OXCT1: variants seen among roughly 807,000 people sequenced by gnomAD.
The protein encoded by OXCT1 is succinyl-CoA:3-ketoacid coenzyme A transferase 1, mitochondrial.
A neutral mutation model predicts 69.6 loss-of-function variants in OXCT1; 27 were observed. The observed-to-expected ratio is 0.39, with a 90% CI of 0.29 to 0.54. The LOEUF (loss-of-function observed/expected upper bound fraction) is 0.54, where lower values mean the gene tolerates loss of function less well. OXCT1 is among the 20% of genes least tolerant of loss of function. The pLI is 0.72. For synonymous variants in OXCT1, 202 were observed against 217.8 expected (o/e 0.93, Z 0.64); for missense variants, 437 against 650.2 (o/e 0.67, Z 3.57).
chr5:41,777,830 T>C (rs1227888601), intron 13 of OXCT1, among the ~76,000 whole-genome samples: 2 of 152,240 alleles, frequency 1.3e-5, no homozygotes, highest in African/African-American at 2.4e-5. Flanking sequence ...AGAAGTTACA[T>C]TCAGGATGGA....
At chr5:41,818,314 G>T (rs1274747088) in intron 7 of OXCT1, among the ~76,000 whole-genome samples, 4 of 152,154 alleles carry the variant, frequency 2.6e-5, no homozygotes, top group Non-Finnish European at 5.9e-5. Flanking sequence ...GGAATGTCAA[G>T]GGCAAAGGGT....
intron 11 of OXCT1, among the ~76,000 whole-genome samples, chr5:41,796,019 C>T (rs2112236284): frequency 6.6e-6 from 1 of 152,144 alleles, no homozygotes; most frequent in East Asian, 1.9e-4. Context: ...ACTCTCTTGC[C>T]CCATAAGCTT....
At chr5:41,822,895 C>T (rs1396465603) in intron 7 of OXCT1, among the ~76,000 whole-genome samples, 1 of 152,186 alleles carries the variant, frequency 6.6e-6, no homozygotes, top group Non-Finnish European at 1.5e-5. Flanking sequence ...TTTTAATCCA[C>T]TGTGAGTCTT....
intron 15 of OXCT1, chr5:41,739,819 C>T (rs531506515): frequency 5.6e-5 from 18 of 319,432 alleles, no homozygotes; most frequent in African/African-American, 3.1e-4. Context: ...TGCAGTGAGC[C>T]GAGATCACGC....
intron 1 of OXCT1, among the ~76,000 whole-genome samples, chr5:41,869,498 C>T (rs1307501947): frequency 6.6e-6 from 1 of 152,178 alleles, no homozygotes; most frequent in Non-Finnish European, 1.5e-5. Context: ...GGAATGCCTC[C>T]GGATACCACT....
chr5:41,808,427 T>A (rs1045753634), intron 7 of OXCT1, among the ~76,000 whole-genome samples: 3 of 152,102 alleles, frequency 2.0e-5, no homozygotes, highest in African/African-American at 4.8e-5. Flanking sequence ...CTTCTTATGC[T>A]GTTCTACTAC....
intron 15 of OXCT1, among the ~76,000 whole-genome samples, chr5:41,745,905 T>A (rs1743461415): frequency 6.6e-6 from 1 of 152,098 alleles, no homozygotes; most frequent in Non-Finnish European, 1.5e-5. Flanking sequence ...GAGGCAATAA[T>A]TAATGGCTTA....
At chr5:41,843,585 T>G (rs929288383) in intron 5 of OXCT1, 4 of 456,196 alleles carry the variant, frequency 8.8e-6, no homozygotes, top group Non-Finnish European at 1.8e-5. Context: ...CATCATGTTC[T>G]TTTATTCTTG....
intron 4 of OXCT1, among the ~76,000 whole-genome samples, chr5:41,851,693 C>T (rs1409233834): frequency 6.6e-6 from 1 of 151,690 alleles, no homozygotes; most frequent in Non-Finnish European, 1.5e-5. Flanking sequence ...ACACTGACCT[C>T]TCTTAGCCTG....
At chr5:41,856,620 G>GT (rs1749441939) in intron 3 of OXCT1, among the ~76,000 whole-genome samples, 1 of 152,048 alleles carries the variant, frequency 6.6e-6, no homozygotes, top group Non-Finnish European at 1.5e-5. Context: ...TAGGTAACAG[G>GT]TAACTGTCAA....
chr5:41,781,154 C>T (rs1301408657), intron 13 of OXCT1, among the ~76,000 whole-genome samples: 1 of 152,028 alleles, frequency 6.6e-6, no homozygotes, highest in African/African-American at 2.4e-5. Context: ...CTGCCCATCT[C>T]GGCCTCCCAA....
chr5:41,750,135 G>GTT (rs11291155), intron 14 of OXCT1, among the ~76,000 whole-genome samples: 1,388 of 73,786 alleles, frequency 0.019, 25 homozygotes, highest in African/African-American at 0.047. Flanking sequence ...GTGTTTTTTG[G>GTT]TTTTTTTTTT....
At chr5:41,742,436 A>T (rs1273498159) in intron 15 of OXCT1, among the ~76,000 whole-genome samples, 1 of 152,228 alleles carries the variant, frequency 6.6e-6, no homozygotes, top group African/African-American at 2.4e-5. Flanking sequence ...GGTAACAGTG[A>T]ATCACAGCCC....
intron 16 of OXCT1, among the ~76,000 whole-genome samples, chr5:41,733,918 A>G (rs1300838658): frequency 6.6e-6 from 1 of 152,232 alleles, no homozygotes; most frequent in African/African-American, 2.4e-5. Context: ...ATAGAAGACA[A>G]GCCAATGATT....
chr5:41,860,924 T>C (rs1228921320), intron 3 of OXCT1, among the ~76,000 whole-genome samples: 1 of 152,096 alleles, frequency 6.6e-6, no homozygotes, highest in African/African-American at 2.4e-5. Context: ...AGATTTCAAA[T>C]TGATGCCCAC....
At chr5:41,754,804 T>C (rs1743979182) in intron 14 of OXCT1, among the ~76,000 whole-genome samples, 2 of 151,998 alleles carry the variant, frequency 1.3e-5, no homozygotes, top group South Asian at 4.1e-4. Flanking sequence ...GTGGAGGTAA[T>C]ATATGGAGGT....
chr5:41,860,847 G>C lies in OXCT1; in HGVS notation c.278+467C>G, dbSNP rs116732160. ...ACCTTCCAAGACCAGCCATGTTTTT[G>C]TGATTAATGGTATCCCTTTATTTAT... On this transcript the variant is annotated intron_variant, in intron 3 of 16. Coordinates refer to ENST00000196371, the MANE Select transcript of OXCT1 (RefSeq NM_000436.4). Among the ~76,000 whole-genome samples, 976 of 151,992 alleles carry C rather than the reference G, an allele frequency of 6.4e-3. 8 individuals carry two copies. Among genetic ancestry groups the C allele is most frequent in the Middle Eastern group, 0.027 (8 of 294 alleles).
intron 4 of OXCT1, 77 bp downstream of exon 4, chr5:41,853,342 C>A (rs1749272413): frequency 7.2e-7 from 1 of 1,383,380 alleles, no homozygotes; most frequent in African/African-American, 1.4e-5. Context: ...ACCTCTTTTG[C>A]ACAAAGAAAT....
intron 15 of OXCT1, among the ~76,000 whole-genome samples, chr5:41,743,814 G>A (rs1277417313): frequency 2.0e-5 from 3 of 152,072 alleles, no homozygotes; most frequent in African/African-American, 7.2e-5. Context: ...ATTTCTGAGG[G>A]CTCTGTTCTG....
Sources: gnomAD v4.1 joint callset for allele counts (sites outside exome capture counted in the v4.1 genomes callset) on GRCh38, gnomAD v4.1.1 for gene constraint, MANE v1.5 for transcripts, NCBI Gene and HGNC (gene_info 2026-07-23, HGNC 2026-07-21) for gene names.